Variants in CDH13 observed in about 807,000 individuals in gnomAD.
The protein encoded by CDH13 is cadherin 13.
CDH13 carries 24 observed loss-of-function variants against 63.8 expected under a neutral mutation model. The observed-to-expected ratio is 0.38, with a 90% CI of 0.27 to 0.53. The LOEUF (loss-of-function observed/expected upper bound fraction) is 0.53, where lower values mean the gene tolerates loss of function less well. Ranked by LOEUF, CDH13 falls within the 20% of genes least tolerant of loss-of-function variation. CDH13 has a pLI of 0.85. For synonymous variants in CDH13, 503 were observed against 355.3 expected, an observed-to-expected ratio of 1.42 and a Z score of -4.67; for missense variants, 1,049 against 903.1, an observed-to-expected ratio of 1.16 and a Z score of -2.07.
chr16:82,977,074 A>T (rs959303254), intron 2 of CDH13, among the ~76,000 whole-genome samples: 2 of 152,166 alleles, frequency 1.3e-5, no homozygotes, highest in Admixed American at 1.3e-4. Flanking sequence ...AAAACAACTA[A>T]ATATACCTCT....
chr16:82,873,809 A>T (rs1287394011), intron 2 of CDH13, among the ~76,000 whole-genome samples: 2 of 152,098 alleles, frequency 1.3e-5, no homozygotes, highest in Admixed American at 6.6e-5. Context: ...TGACCCACGA[A>T]ATTTTCAATA....
chr16:83,016,922 G>A (rs554617444), intron 2 of CDH13, among the ~76,000 whole-genome samples: 2 of 152,208 alleles, frequency 1.3e-5, no homozygotes, highest in South Asian at 4.1e-4. Context: ...TTTCTGTGCT[G>A]TTCTTTTCTC....
intron 1 of CDH13, chr16:82,705,316 C>G: frequency 2.8e-6 from 1 of 360,596 alleles, no homozygotes; most frequent in Non-Finnish European, 5.4e-6. Flanking sequence ...CTGATTTCTT[C>G]TCCTTCTCTC....
At chr16:83,250,129 T>C (rs1462928625) in intron 5 of CDH13, among the ~76,000 whole-genome samples, 1 of 152,216 alleles carries the variant, frequency 6.6e-6, no homozygotes, top group Non-Finnish European at 1.5e-5. Flanking sequence ...TTGTGAATTA[T>C]TGCTATGTTT....
In CDH13 at chr16:83,429,511, G is replaced by GACACACACAC. The variant is rs71148834; in HGVS notation, c.782-56951_782-56942dup. Among the ~76,000 whole-genome samples, 969 of 149,086 alleles carry GACACACACAC rather than the reference G, an allele frequency of 6.5e-3. 4 individuals are homozygous for GACACACACAC. The highest frequency in any genetic ancestry group is 0.017 in the Middle Eastern group (5 of 286). ...TACATATACACTAAAAGACAATGAA[G>GACACACACAC]ACACACACACACACACACACACACT... On this transcript the variant is annotated intron_variant, in intron 6 of 13. Transcript: ENST00000567109.
chr16:83,059,709 A>C (rs543091523), intron 3 of CDH13, among the ~76,000 whole-genome samples: 3 of 151,952 alleles, frequency 2.0e-5, no homozygotes, highest in African/African-American at 7.2e-5. Context: ...AATAGAGCTT[A>C]AAGACAGGGT....
At chr16:83,378,425 G>A (rs923357048) in intron 6 of CDH13, among the ~76,000 whole-genome samples, 3 of 152,074 alleles carry the variant, frequency 2.0e-5, no homozygotes, top group South Asian at 2.1e-4. Flanking sequence ...AGCTCTCATC[G>A]GGACATTATT....
At chr16:82,685,978 G>A (rs1022053119) in intron 1 of CDH13, among the ~76,000 whole-genome samples, 1 of 152,166 alleles carries the variant, frequency 6.6e-6, no homozygotes, top group Non-Finnish European at 1.5e-5. Context: ...ACAGAGAGCT[G>A]ATAATTAAGG....
At chr16:82,835,510 C>T (rs1455735001) in intron 1 of CDH13, among the ~76,000 whole-genome samples, 1 of 152,190 alleles carries the variant, frequency 6.6e-6, no homozygotes, top group Non-Finnish European at 1.5e-5. Context: ...AATTCAGTTG[C>T]TGTAGCCCTT....
chr16:83,227,022 G>A (rs2039861094), intron 5 of CDH13, among the ~76,000 whole-genome samples: 1 of 152,242 alleles, frequency 6.6e-6, no homozygotes. Flanking sequence ...ATACGGACAG[G>A]TTGTCCTCCT....
chr16:83,482,633 G>T (rs2073797355), intron 6 of CDH13, among the ~76,000 whole-genome samples: 1 of 152,236 alleles, frequency 6.6e-6, no homozygotes, highest in Non-Finnish European at 1.5e-5. Context: ...CCAGGGGAAG[G>T]TACTGGCAAG....
intron 1 of CDH13, among the ~76,000 whole-genome samples, chr16:82,637,375 C>CACTCGG (rs1420185294): frequency 1.3e-5 from 2 of 149,504 alleles, no homozygotes; most frequent in Non-Finnish European, 3.0e-5. Flanking sequence ...GTATGCCAGG[C>CACTCGG]ACTCACCTAG....
chr16:83,716,392 G>C (rs757000678), intron 10 of CDH13, among the ~76,000 whole-genome samples: 64 of 152,164 alleles, frequency 4.2e-4, no homozygotes, highest in Non-Finnish European at 8.4e-4. Context: ...AGTAGTTTCA[G>C]AACTCTAAAT....
At chr16:82,725,773 C>A (rs754987647) in intron 1 of CDH13, among the ~76,000 whole-genome samples, 1 of 152,100 alleles carries the variant, frequency 6.6e-6, no homozygotes, top group Non-Finnish European at 1.5e-5. Context: ...GAGAAATGTT[C>A]TTTTTTAATG....
chr16:83,727,227 T>C (rs1910516382), intron 10 of CDH13, among the ~76,000 whole-genome samples: 2 of 152,098 alleles, frequency 1.3e-5, no homozygotes, highest in African/African-American at 4.8e-5. Flanking sequence ...TTCCTGTCTC[T>C]GTGGGTTTGC....
At chr16:83,027,243 A>C (rs549405383) in intron 2 of CDH13, among the ~76,000 whole-genome samples, 1 of 152,124 alleles carries the variant, frequency 6.6e-6, no homozygotes, top group Non-Finnish European at 1.5e-5. Flanking sequence ...TGAAGATGTA[A>C]AGATGAATGA....
intron 4 of CDH13, among the ~76,000 whole-genome samples, chr16:83,210,832 T>C (rs1211079808): frequency 6.6e-6 from 1 of 150,494 alleles, no homozygotes; most frequent in African/African-American, 2.5e-5. Context: ...GATCCTGGAT[T>C]GGATTTTGGA....
At chr16:83,764,159 A>G (rs749623919) in intron 11 of CDH13, among the ~76,000 whole-genome samples, 5 of 152,226 alleles carry the variant, frequency 3.3e-5, no homozygotes, top group Non-Finnish European at 5.9e-5. Context: ...ATGTCATTAC[A>G]GAATCATGAG....
Position 83,156,640 on chromosome 16 carries a change from A to G in CDH13, c.483+31139A>G, listed in dbSNP as rs570022896. On this transcript the variant is annotated intron_variant, in intron 4 of 13. Transcript: ENST00000567109. ...CAGCTAACAAGCCCCTAATAGGACT[A>G]CATCAAGTTTTACTCACCTGCTGCC... Among the ~76,000 whole-genome samples, 12 of 152,318 alleles carry G rather than the reference A, an allele frequency of 7.9e-5. No homozygotes were observed. The South Asian group carries it at 2.1e-3, about 26-fold the overall frequency.
Sources: allele counts gnomAD v4.1 joint callset (sites outside exome capture counted in the v4.1 genomes callset), GRCh38; gene constraint gnomAD v4.1.1; transcripts MANE v1.5; gene names NCBI Gene and HGNC (gene_info 2026-07-23, HGNC 2026-07-21).